Variants in SLC6A15 observed in about 807,000 individuals in gnomAD.
SLC6A15 encodes solute carrier family 6 member 15, also known as sodium-dependent neutral amino acid transporter B(0)AT2.
Under a neutral mutation model 68.5 loss-of-function variants are expected in SLC6A15, and 33 were observed. The observed-to-expected ratio is 0.48, with a 90% CI of 0.37 to 0.64. SLC6A15 has a LOEUF of 0.64. SLC6A15 is among the 30% of genes least tolerant of loss of function. The pLI is 0.00. For missense variants in SLC6A15, 747 were observed against 874.3 expected, an observed-to-expected ratio of 0.85 and a Z score of 1.84; for synonymous variants, 347 against 301.0, an observed-to-expected ratio of 1.15 and a Z score of -1.58.
At chr12:84,911,496 G>C (rs905645846) in intron 1 of SLC6A15, among the ~76,000 whole-genome samples, 2 of 152,184 alleles carry the variant, frequency 1.3e-5, no homozygotes, top group Non-Finnish European at 2.9e-5. Flanking sequence ...GATGGAAAGG[G>C]AAAGCGGGAC....
intron 5 of SLC6A15, chr12:84,882,157 A>AC: frequency 1.0e-6 from 1 of 985,388 alleles, no homozygotes; most frequent in Non-Finnish European, 1.2e-6. Context: ...TAGTAAGAGA[A>AC]CCTGAGTACA....
chr12:84,863,477 A>T lies in SLC6A15; in HGVS notation c.1780T>A (p.Leu594Ile), dbSNP rs1176019562. Reference protein sequence around the residue: ...LLIASVVNMGLSPPGYNAWIE... With the variant: ...LLIASVVNMGISPPGYNAWIE... The stretch of plus-strand genomic sequence containing the variant: ...CATGCGTTATAGCCAGGAGGACTTA[A>T]TCCCATATTCACAACACTAGCTATT... The change falls in exon 11 of 12, where the codon TTA becomes ATA. Residue 594 changes from leucine to isoleucine, a missense_variant. Physicochemically the swap from Leu to Ile is conservative, Grantham distance 5. Transcript: ENST00000266682. 1 of 1,589,106 alleles carries T rather than the reference A, an allele frequency of 6.3e-7. No individual in the cohort carries two copies. The highest frequency in any genetic ancestry group is 1.2e-5 in the South Asian group (1 of 86,218).
Position 84,892,124 on chromosome 12 carries a change from A to G in SLC6A15, c.-4T>C, listed in dbSNP as rs1437873154. On this transcript the variant is annotated 5_prime_UTR_variant, in exon 2 of 12. Transcript: ENST00000266682. ...CCACCTTGCTATTTTTGGGCATTGG[A>G]GAGTATGCGAAGTATTTAAAAAAAA... 6.5e-7 allele frequency: 1 copy of G among 1,539,226 alleles called. No homozygotes were observed. The highest frequency in any genetic ancestry group is 1.1e-5 in the South Asian group (1 of 87,910).
rs776447756 is a variant in SLC6A15, at chr12:84,892,026, T to C, written c.95A>G (p.Asp32Gly). 2.3e-5 allele frequency: 37 copies of C among 1,613,812 alleles called. No individual in the cohort carries two copies. The highest frequency in any genetic ancestry group is 1.3e-4 in the Admixed American group (8 of 59,968). The change falls in exon 2 of 12, where the codon GAT becomes GGT. Residue 32 changes from aspartate to glycine, a missense_variant. Physicochemically the swap from Asp to Gly is moderately conservative, Grantham distance 94. Coordinates refer to ENST00000266682, the MANE Select transcript of SLC6A15 (RefSeq NM_182767.6). ...DLLSNEDAAD[D>G]AFKTSELIVD... Reference sequence around the variant, plus strand: ...AATTAGTTCACTTGTCTTAAAAGCATCATCAGCTGCGTCTTCATTGGAAAG... The same window carrying C: ...AATTAGTTCACTTGTCTTAAAAGCACCATCAGCTGCGTCTTCATTGGAAAG...
chr12:84,905,520 C>G (rs767892005), intron 1 of SLC6A15, among the ~76,000 whole-genome samples: 28 of 152,290 alleles, frequency 1.8e-4, no homozygotes, highest in Admixed American at 1.4e-3. Flanking sequence ...CTCTCACACT[C>G]TTATTCAACA....
intron 11 of SLC6A15, 99 bp downstream of exon 11, chr12:84,863,340 A>C (rs546974855): frequency 1.2e-6 from 1 of 854,156 alleles, no homozygotes; most frequent in Admixed American, 2.8e-5. Context: ...GCCATTCATT[A>C]AACAGCAAAA....
chr12:84,880,485 T>C (rs1871772756), intron 5 of SLC6A15, among the ~76,000 whole-genome samples: 1 of 152,328 alleles, frequency 6.6e-6, no homozygotes, highest in Non-Finnish European at 1.5e-5. Flanking sequence ...GTTTGCTGCC[T>C]CTGCCACTAA....
At chr12:84,887,340 A>T (rs115631943) in intron 2 of SLC6A15, among the ~76,000 whole-genome samples, 6,183 of 152,320 alleles carry the variant, frequency 0.041, 396 homozygotes, top group African/African-American at 0.14. Flanking sequence ...ACACAAATAC[A>T]TAGTGAGTAA....
rs1565717582 is a variant in SLC6A15, at chr12:84,860,417, C to A, written c.*1215G>T. On this transcript the variant is annotated 3_prime_UTR_variant, in exon 12 of 12. Coordinates refer to ENST00000266682, the MANE Select transcript of SLC6A15 (RefSeq NM_182767.6). Reference sequence around the variant, plus strand: ...AAGCAGTCAATTGTACACATGGTTTCTTGGGAGGCTGTAAGTACTTTTTCA... The same window carrying A: ...AAGCAGTCAATTGTACACATGGTTTATTGGGAGGCTGTAAGTACTTTTTCA... 6.6e-6 allele frequency: 1 copy of A among 151,996 alleles called. No individual in the cohort carries two copies. Among genetic ancestry groups the A allele is most frequent in the Non-Finnish European group, 1.5e-5 (1 of 67,944 alleles). The allele number at this position is 151,996 out of a possible 1,614,324, so 9.4% of individuals were successfully genotyped here.
chr12:84,874,197 T>C (rs1011924010), intron 6 of SLC6A15, among the ~76,000 whole-genome samples: 7 of 152,194 alleles, frequency 4.6e-5, no homozygotes, highest in African/African-American at 1.7e-4. Context: ...ACAGAGAGTT[T>C]CAGATTCTGA....
In SLC6A15 at chr12:84,859,661, G is replaced by A. The variant is rs946727038; in HGVS notation, c.*1971C>T. 2 of 151,684 alleles carry A rather than the reference G, an allele frequency of 1.3e-5. No homozygotes were observed. The highest frequency in any genetic ancestry group is 1.3e-4 in the Admixed American group (2 of 15,230). 9.4% of individuals were successfully genotyped at this position (151,684 alleles called of 1,614,324 possible). On this transcript the variant is annotated 3_prime_UTR_variant, in exon 12 of 12. Transcript: ENST00000266682. ...CATTATTGTGTTACGGTTAAAGTCT[G>A]GCAGGTTAAGTATTAAAGATTAGGG...
chr12:84,896,945 C>T (rs1469031314), intron 1 of SLC6A15, among the ~76,000 whole-genome samples: 1 of 152,148 alleles, frequency 6.6e-6, no homozygotes, highest in Non-Finnish European at 1.5e-5. Context: ...AAACCCAGCA[C>T]TTTGGGAGCA....
chr12:84,899,762 T>C (rs1872778574), intron 1 of SLC6A15, among the ~76,000 whole-genome samples: 1 of 152,166 alleles, frequency 6.6e-6, no homozygotes, highest in South Asian at 2.1e-4. Flanking sequence ...TTTGAACTTA[T>C]ATTTACCTCT....
intron 2 of SLC6A15, among the ~76,000 whole-genome samples, chr12:84,888,646 CTACATAT>C (rs1438898873): frequency 1.1e-4 from 17 of 152,236 alleles, no homozygotes; most frequent in Admixed American, 9.8e-4. Context: ...GGTTAAAAAA[CTACATAT>C]TATGTACAAT....
intron 10 of SLC6A15, among the ~76,000 whole-genome samples, chr12:84,866,457 T>C (rs1196096855): frequency 6.6e-6 from 1 of 152,198 alleles, no homozygotes; most frequent in East Asian, 1.9e-4. Flanking sequence ...ATAAAAATAA[T>C]GTTTCTGTGC....
intron 11 of SLC6A15, among the ~76,000 whole-genome samples, chr12:84,862,265 G>C (rs1211823936): frequency 6.6e-6 from 1 of 152,080 alleles, no homozygotes; most frequent in Admixed American, 6.5e-5. Flanking sequence ...CACCTAAAGA[G>C]AGAGCCCAGC....
At chr12:84,894,683 C>T (rs1872562976) in intron 1 of SLC6A15, among the ~76,000 whole-genome samples, 2 of 151,996 alleles carry the variant, frequency 1.3e-5, no homozygotes, top group South Asian at 2.1e-4. Context: ...AAAGGTAATA[C>T]CTTTGGCTAC....
chr12:84,872,795 C>A lies in SLC6A15; in HGVS notation c.1110-1G>T, dbSNP rs1162022926. 1.9e-6 allele frequency: 3 copies of A among 1,597,042 alleles called. No homozygotes were observed. Among genetic ancestry groups the A allele is most frequent in the Non-Finnish European group, 2.6e-6 (3 of 1,174,534 alleles). ...AAATTTCATGATCGTCTCTGAATTTCTGAAAAATAAAACAACATACAAATG... is the reference window on the plus strand; with the variant it reads ...AAATTTCATGATCGTCTCTGAATTTATGAAAAATAAAACAACATACAAATG... On this transcript the variant is annotated splice_acceptor_variant, in intron 7 of 11. Coordinates refer to ENST00000266682, the MANE Select transcript of SLC6A15 (RefSeq NM_182767.6). LOFTEE classifies it high-confidence loss of function.
At chr12:84,870,900 A>G (rs1565721494) in intron 8 of SLC6A15, among the ~76,000 whole-genome samples, 1 of 152,202 alleles carries the variant, frequency 6.6e-6, no homozygotes, top group African/African-American at 2.4e-5. Flanking sequence ...ATTAATAAAC[A>G]GAGTACACGA....
Sources: allele counts gnomAD v4.1 joint callset (sites outside exome capture counted in the v4.1 genomes callset), GRCh38; gene constraint gnomAD v4.1.1; transcripts MANE v1.5; gene names NCBI Gene and HGNC (gene_info 2026-07-23, HGNC 2026-07-21).